The following ZP3 variants were observed in gnomAD, a reference collection of about 807,000 sequenced individuals.
ZP3 encodes the protein zona pellucida glycoprotein 3, also known as zona pellucida sperm-binding protein 3.
In ZP3, 21 loss-of-function variants were observed where a neutral mutation model predicts 35.6. The observed-to-expected ratio is 0.59, with a 90% CI of 0.42 to 0.85. The LOEUF is 0.85. Ranked by LOEUF, ZP3 falls within the 40% of genes least tolerant of loss-of-function variation. The probability of loss-of-function intolerance (pLI) is 0.00; values close to 1 mark genes in which losing one functional copy is unlikely to be tolerated. For missense variants in ZP3, 437 were observed against 536.5 expected, an observed-to-expected ratio of 0.81 and a Z score of 1.83; for synonymous variants, 207 against 214.5, an observed-to-expected ratio of 0.96 and a Z score of 0.31.
intron 1 of ZP3, among the ~76,000 whole-genome samples, chr7:76,412,985 C>T (rs1261428484): frequency 4.2e-5 from 3 of 71,666 alleles, no homozygotes; most frequent in Admixed American, 1.7e-4. Flanking sequence ...TTTTTTGAGA[C>T]GGAGTCTTTC....
At chr7:76,407,294 G>T (rs1405177978) in intron 1 of ZP3, among the ~76,000 whole-genome samples, 1 of 151,614 alleles carries the variant, frequency 6.6e-6, no homozygotes, top group Non-Finnish European at 1.5e-5. Flanking sequence ...AAGTGTGGCA[G>T]CTTACTCCTG....
intron 1 of ZP3, chr7:76,409,783 C>T (rs1323964136): frequency 1.3e-5 from 2 of 152,830 alleles, no homozygotes; most frequent in Admixed American, 1.3e-4. Context: ...CACAGCCCCC[C>T]CACCCCAGGG....
chr7:76,436,157 T>G (rs1403902934), intron 5 of ZP3, among the ~76,000 whole-genome samples: 2 of 142,790 alleles, frequency 1.4e-5, no homozygotes, highest in East Asian at 4.6e-4. Context: ...GCTCAAGCGA[T>G]TCTCCTGCCT....
rs57389874 is a variant in ZP3, at chr7:76,402,182, A to ATTTTTT, written c.-67+4398_-67+4403dup. Among the ~76,000 whole-genome samples the ATTTTTT allele has an allele frequency of 3.3e-3, 415 of 127,206 alleles. 7 individuals carry two copies. The highest frequency in any genetic ancestry group is 8.1e-3 in the African/African-American group (277 of 34,402). 83.5% of individuals were successfully genotyped at this position (127,206 alleles called of 152,430 possible). ...CAAGCTCCTGCCACCCTGCCCAGCT[A>ATTTTTT]TTTTTTTTTTTTTTTTTTGAGACAG... On this transcript the variant is annotated intron_variant, in intron 1 of 8. Transcript: ENST00000336517.
At chr7:76,423,049 A>T, upstream of ZP3, among the ~76,000 whole-genome samples, 1 of 130,502 alleles carries the variant, frequency 7.7e-6, no homozygotes, top group Non-Finnish European at 1.7e-5. Flanking sequence ...GAAAGAAAGA[A>T]AGAAAGAAAG....
In ZP3 at chr7:76,440,242, C is replaced by G. The variant is rs1457108776; in HGVS notation, c.832-8C>G. 2 of 1,606,974 alleles carry G rather than the reference C, an allele frequency of 1.2e-6. No individual in the cohort carries two copies. Among genetic ancestry groups the G allele is most frequent in the African/African-American group, 2.7e-5 (2 of 74,624 alleles). ...ACTCGGCCTGGAAATAGCTGTTATT[C>G]CTTGCAGATATACATCACCTGCCAC... On this transcript the variant is annotated splice_polypyrimidine_tract_variant and splice_region_variant and intron_variant, in intron 5 of 7. Coordinates refer to ENST00000394857, the MANE Select transcript of ZP3 (RefSeq NM_001110354.2).
chr7:76,416,973 T>TATATATATATATAA (rs568367143), intron 1 of ZP3, among the ~76,000 whole-genome samples: 4 of 47,156 alleles, frequency 8.5e-5, no homozygotes, highest in African/African-American at 2.7e-4. Context: ...TATATATATA[T>TATATATATATATAA]AATTTGGCAT....
At chr7:76,429,996 G>A (rs1351758813) in intron 2 of ZP3, among the ~76,000 whole-genome samples, 1 of 152,064 alleles carries the variant, frequency 6.6e-6, no homozygotes, top group African/African-American at 2.4e-5. Flanking sequence ...GCTGACAGGT[G>A]GATCGCTTGA....
chr7:76,430,438 G>A (rs1053292742), intron 2 of ZP3, among the ~76,000 whole-genome samples: 2 of 152,024 alleles, frequency 1.3e-5, no homozygotes, highest in Non-Finnish European at 2.9e-5. Context: ...GTCTGGGAGT[G>A]GGTATAAGAT....
chr7:76,435,440 C>A (rs1278874807), intron 5 of ZP3, among the ~76,000 whole-genome samples: 1 of 152,254 alleles, frequency 6.6e-6, no homozygotes, highest in Non-Finnish European at 1.5e-5. Flanking sequence ...CAGGCGTGAG[C>A]CACCATGCCC....
In ZP3 at chr7:76,432,990, C is replaced by G. The variant is rs1805875624; in HGVS notation, c.495C>G (p.Phe165Leu). 5 of 1,614,118 alleles carry G rather than the reference C, an allele frequency of 3.1e-6. No homozygotes were observed. The East Asian group carries it at 6.7e-5, about 22-fold the overall frequency. Residue 165 changes from phenylalanine to leucine, a missense_variant, in exon 3 of 8, where the codon TTC becomes TTG. Physicochemically the swap from Phe to Leu is conservative, Grantham distance 22. Coordinates refer to ENST00000394857, the MANE Select transcript of ZP3 (RefSeq NM_001110354.2). Reference sequence around the variant, plus strand: ...GGTTGCCCTTCAGGACCACGGTGTTCTCAGAGGAGAAGCTGACTTTCTCTC... The same window carrying G: ...GGTTGCCCTTCAGGACCACGGTGTTGTCAGAGGAGAAGCTGACTTTCTCTC... ...PTWLPFRTTV[F>L]SEEKLTFSLR...
At chr7:76,397,980 G>C in intron 1 of ZP3, 5 of 822,558 alleles carry the variant, frequency 6.1e-6, no homozygotes, top group Non-Finnish European at 7.4e-6. Context: ...GGTCCAGACT[G>C]GGGGTAGCTT....
At chr7:76,403,425 C>G (rs1028383718) in intron 1 of ZP3, among the ~76,000 whole-genome samples, 3 of 151,784 alleles carry the variant, frequency 2.0e-5, no homozygotes, top group African/African-American at 7.3e-5. Context: ...GCAACCTCCA[C>G]CTCCTGGGTT....
intron 5 of ZP3, among the ~76,000 whole-genome samples, chr7:76,436,659 C>T (rs1268791607): frequency 6.6e-6 from 1 of 152,364 alleles, no homozygotes; most frequent in African/African-American, 2.4e-5. Flanking sequence ...GTGGTGGGCC[C>T]TGCTTCAGTG....
intron 5 of ZP3, among the ~76,000 whole-genome samples, chr7:76,435,748 T>G (rs78204472): frequency 2.1e-5 from 3 of 142,674 alleles, no homozygotes; most frequent in African/African-American, 7.9e-5. Flanking sequence ...TTTTTTTTTT[T>G]GAGACAGTCT....
At chr7:76,407,743 G>GA (rs528905216) in intron 1 of ZP3, among the ~76,000 whole-genome samples, 14 of 151,216 alleles carry the variant, frequency 9.3e-5, no homozygotes, top group East Asian at 3.9e-4. Context: ...TAACTAAAAA[G>GA]AAAAAAAAAG....
chr7:76,420,692 CAG>C (rs1356968764), upstream of ZP3, among the ~76,000 whole-genome samples: 5 of 152,216 alleles, frequency 3.3e-5, no homozygotes, highest in South Asian at 2.1e-4. Context: ...GAATCTGACA[CAG>C]AGAGTTTTTT....
intron 1 of ZP3, among the ~76,000 whole-genome samples, chr7:76,412,963 TTC>T (rs1355886116): frequency 0.19 from 11,110 of 59,108 alleles, 1,373 homozygotes; most frequent in African/African-American, 0.41. Flanking sequence ...CTTCTTCTTC[TTC>T]TTTTTTTTTT....
chr7:76,399,304 T>A (rs1804739195), intron 1 of ZP3, among the ~76,000 whole-genome samples: 1 of 152,100 alleles, frequency 6.6e-6, no homozygotes, highest in Non-Finnish European at 1.5e-5. Context: ...TGAGCCACCG[T>A]GCCCAGCCTG....
Sources: gnomAD v4.1 joint callset for allele counts (sites outside exome capture counted in the v4.1 genomes callset) on GRCh38, gnomAD v4.1.1 for gene constraint, MANE v1.5 for transcripts, NCBI Gene and HGNC (gene_info 2026-07-23, HGNC 2026-07-21) for gene names.